The following ROBO2 variants were observed in gnomAD, a reference collection of about 807,000 sequenced individuals.
ROBO2 encodes roundabout homolog 2.
ROBO2 carries 53 observed loss-of-function variants against 160.8 expected under a neutral mutation model. That is an observed-to-expected ratio of 0.33 (90% confidence interval 0.26 to 0.41). The LOEUF is 0.41. ROBO2 is among the 10% of genes least tolerant of loss of function. ROBO2 has a pLI of 1.00. For synonymous variants in ROBO2, 664 were observed against 611.7 expected, an observed-to-expected ratio of 1.09 and a Z score of -1.26; for missense variants, 1,577 against 1,722.4, an observed-to-expected ratio of 0.92 and a Z score of 1.49.
intron 8 of ROBO2, among the ~76,000 whole-genome samples, chr3:77,551,829 G>A (rs1169556157): frequency 1.3e-5 from 2 of 151,848 alleles, no homozygotes; most frequent in African/African-American, 4.8e-5. Context: ...AATTTGATGT[G>A]CTTTTATACA....
intron 2 of ROBO2, among the ~76,000 whole-genome samples, chr3:76,267,280 A>C (rs1707157662): frequency 6.6e-6 from 1 of 152,192 alleles, no homozygotes; most frequent in Non-Finnish European, 1.5e-5. Flanking sequence ...TATTTTTTTA[A>C]GATAAATGCT....
chr3:75,928,769 A>G (rs1947392755), intron 1 of ROBO2, among the ~76,000 whole-genome samples: 1 of 151,844 alleles, frequency 6.6e-6, no homozygotes, highest in Admixed American at 6.6e-5. Context: ...GCTGGTTAAG[A>G]CGTGTGTGTG....
chr3:76,249,379 A>T (rs1705840602), intron 2 of ROBO2, among the ~76,000 whole-genome samples: 2 of 152,238 alleles, frequency 1.3e-5, no homozygotes, highest in South Asian at 4.1e-4. Context: ...GGATTGGGAG[A>T]TATAGCAAAG....
chr3:76,423,557 T>A (rs1204178899), intron 2 of ROBO2, among the ~76,000 whole-genome samples: 1 of 152,168 alleles, frequency 6.6e-6, no homozygotes, highest in Admixed American at 6.5e-5. Context: ...CCCATCAGGT[T>A]AGAAAATAGG....
In ROBO2 at chr3:76,363,473, G is replaced by GT. The variant is rs540748005; in HGVS notation, c.109+425876dup. Reference sequence around the variant, plus strand: ...GATATCGTAACAGAATCTTCATAAAGTTTTTAAGCATTATTAAAGATGACA... The same window carrying GT: ...GATATCGTAACAGAATCTTCATAAAGTTTTTTAAGCATTATTAAAGATGACA... On this transcript the variant is annotated intron_variant, in intron 2 of 26. Coordinates refer to the ROBO2 transcript ENST00000487694. Among the ~76,000 whole-genome samples the GT allele has an allele frequency of 5.7e-3, 865 of 152,164 alleles. 6 individuals are homozygous for GT. The highest frequency in any genetic ancestry group is 0.02 in the African/African-American group (819 of 41,536).
At position 77,433,573 on chromosome 3, in the gene ROBO2, T is replaced by G. The variant is rs954464792; in HGVS notation, c.389-43841T>G. Among the ~76,000 whole-genome samples, 5 of 147,878 alleles carry G rather than the reference T, an allele frequency of 3.4e-5. No individual in the cohort carries two copies. In the Admixed American group the frequency reaches 3.4e-4, roughly 10 times the overall value. ...GAGTTTCTCTAGACTTACTTGTGAG[T>G]TCTCTTAATCTCTTATTCTATATTT... On this transcript the variant is annotated intron_variant, in intron 2 of 25. Transcript: ENST00000461745.
intron 2 of ROBO2, among the ~76,000 whole-genome samples, chr3:76,569,223 G>A (rs2084801564): frequency 1.3e-5 from 2 of 152,070 alleles, no homozygotes; most frequent in Admixed American, 6.6e-5. Flanking sequence ...TGGGCCAATT[G>A]TGTTTCAGTT....
intron 24 of ROBO2, among the ~76,000 whole-genome samples, chr3:77,637,655 A>G (rs796783160): frequency 9.2e-5 from 14 of 152,326 alleles, no homozygotes; most frequent in African/African-American, 2.9e-4. Context: ...GTATAAATCT[A>G]GTAATTGATA....
intron 2 of ROBO2, among the ~76,000 whole-genome samples, chr3:75,937,863 A>ATATATATATATATATG (rs1947866963): frequency 7.0e-6 from 1 of 143,218 alleles, no homozygotes; most frequent in African/African-American, 2.6e-5. Flanking sequence ...ATATATATAT[A>ATATATATATATATATG]TATATATATA....
chr3:77,335,368 C>A (rs376736195), intron 2 of ROBO2, among the ~76,000 whole-genome samples: 1 of 152,132 alleles, frequency 6.6e-6, no homozygotes, highest in Non-Finnish European at 1.5e-5. Context: ...TATCACATCA[C>A]CGCACTCCAG....
rs970080220 is a variant in ROBO2 at position 77,270,359 on chromosome 3, A to G, written c.388+172019A>G. ...CAATGAGAAAACTCTGTGTATATAC[A>G]TTCAGAAACATTCAATTATAATTCG... On this transcript the variant is annotated intron_variant, in intron 2 of 25. Coordinates refer to ENST00000461745, the Ensembl canonical transcript of ROBO2. Among the ~76,000 whole-genome samples, 4 of 152,334 alleles carry G rather than the reference A, an allele frequency of 2.6e-5. No homozygotes were observed. In the South Asian group the frequency reaches 8.3e-4, roughly 32 times the overall value.
At chr3:77,063,710 T>TTAATAAATA (rs2066551054) in intron 1 of ROBO2, among the ~76,000 whole-genome samples, 1 of 152,210 alleles carries the variant, frequency 6.6e-6, no homozygotes, top group Non-Finnish European at 1.5e-5. Context: ...AAGGAAGTGT[T>TTAATAAATA]TAATAAATAT....
chr3:77,542,657 A>G (rs1281479763), intron 6 of ROBO2, among the ~76,000 whole-genome samples: 2 of 152,150 alleles, frequency 1.3e-5, no homozygotes, highest in African/African-American at 4.8e-5. Context: ...TTATACCATC[A>G]GTGGTAAATA....
At chr3:75,966,152 G>A (rs546029807) in intron 2 of ROBO2, among the ~76,000 whole-genome samples, 2 of 151,698 alleles carry the variant, frequency 1.3e-5, no homozygotes, top group South Asian at 2.1e-4. Flanking sequence ...CCATGACTAG[G>A]CAATTAAGTA....
intron 2 of ROBO2, among the ~76,000 whole-genome samples, chr3:77,346,645 T>C (rs534842816): frequency 6.6e-6 from 1 of 152,176 alleles, no homozygotes; most frequent in African/African-American, 2.4e-5. Flanking sequence ...TGAATCTGCT[T>C]TTTAGCTCAT....
At chr3:77,519,917 T>G (rs977352383) in intron 5 of ROBO2, among the ~76,000 whole-genome samples, 4 of 151,518 alleles carry the variant, frequency 2.6e-5, no homozygotes, top group Non-Finnish European at 5.9e-5. Flanking sequence ...AGCATTCTCT[T>G]TTTTCCACAG....
intron 2 of ROBO2, among the ~76,000 whole-genome samples, chr3:76,078,829 T>G (rs1382505480): frequency 2.0e-5 from 3 of 152,200 alleles, no homozygotes; most frequent in Non-Finnish European, 4.4e-5. Flanking sequence ...CCTCCATGGT[T>G]TTACTAATTT....
At chr3:77,489,847 G>T (rs1239155562) in intron 4 of ROBO2, among the ~76,000 whole-genome samples, 2 of 152,060 alleles carry the variant, frequency 1.3e-5, no homozygotes, top group Non-Finnish European at 2.9e-5. Context: ...TAAGTTTGCT[G>T]CAATGTATCC....
intron 2 of ROBO2, among the ~76,000 whole-genome samples, chr3:76,948,822 A>T (rs1196497990): frequency 7.2e-6 from 1 of 138,574 alleles, no homozygotes; most frequent in Non-Finnish European, 1.5e-5. Context: ...TCTCTGCCTC[A>T]GCCTCCCAAG....
Sources: gnomAD v4.1 joint callset for allele counts (sites outside exome capture counted in the v4.1 genomes callset) on GRCh38, gnomAD v4.1.1 for gene constraint, MANE v1.5 for transcripts, NCBI Gene and HGNC (gene_info 2026-07-23, HGNC 2026-07-21) for gene names.